Variants in TFAP2B observed in about 807,000 individuals in gnomAD.
TFAP2B encodes transcription factor AP-2 beta, also known as transcription factor AP-2-beta.
TFAP2B carries 9 observed loss-of-function variants against 44.3 expected under a neutral mutation model. The observed-to-expected ratio is 0.20, with a 90% CI of 0.12 to 0.35. The LOEUF is 0.35. Ranked by LOEUF, TFAP2B falls within the 10% of genes least tolerant of loss-of-function variation. The probability of loss-of-function intolerance (pLI) is 1.00; values close to 1 mark genes in which losing one functional copy is unlikely to be tolerated. For synonymous variants in TFAP2B, 270 were observed against 263.8 expected, an observed-to-expected ratio of 1.02 and a Z score of -0.23; for missense variants, 509 against 600.0, an observed-to-expected ratio of 0.85 and a Z score of 1.59.
upstream of TFAP2B, chr6:50,818,816 T>G: frequency 7.3e-7 from 1 of 1,362,986 alleles, no homozygotes; most frequent in Admixed American, 1.7e-5. Flanking sequence ...TTGGTGTGTA[T>G]CCCCCATTTC....
intron 6 of TFAP2B, among the ~76,000 whole-genome samples, chr6:50,840,959 C>G (rs545727007): frequency 3.3e-5 from 5 of 152,360 alleles, no homozygotes; most frequent in African/African-American, 1.2e-4. Context: ...CCGCACGTTT[C>G]TCTTGCAGGC....
At chr6:50,836,933 C>G (rs1226789680) in intron 4 of TFAP2B, among the ~76,000 whole-genome samples, 1 of 152,170 alleles carries the variant, frequency 6.6e-6, no homozygotes, top group East Asian at 1.9e-4. Context: ...TCACAGTATT[C>G]CACAGCCCAG....
chr6:50,826,614 G>A (rs1398328472), intron 2 of TFAP2B, among the ~76,000 whole-genome samples: 1 of 151,680 alleles, frequency 6.6e-6, no homozygotes, highest in East Asian at 2.0e-4. Flanking sequence ...GTTGGGGAGG[G>A]GGCTACAAGT....
rs767312808 is a variant in TFAP2B, at chr6:50,823,481, G to T, written c.156G>T (p.Ser52=). Reference sequence around the variant, plus strand: ...GCTCGGTGTCCCAAGGACCCTACTCGAGCGCCCCGCCGCTGTCCCACACCC... The same window carrying T: ...GCTCGGTGTCCCAAGGACCCTACTCTAGCGCCCCGCCGCTGTCCCACACCC... ...QLGSVSQGPY[S]SAPPLSHTPS... Residue 52 remains serine (S), a synonymous_variant, in exon 2 of 7, where the codon TCG becomes TCT. Transcript: ENST00000393655. 16 of 1,611,936 alleles carry T rather than the reference G, an allele frequency of 9.9e-6. No homozygotes were observed. Among genetic ancestry groups the T allele is most frequent in the Non-Finnish European group, 1.4e-5 (16 of 1,179,318 alleles).
intron 3 of TFAP2B, among the ~76,000 whole-genome samples, chr6:50,830,948 T>A (rs1299247110): frequency 6.6e-6 from 1 of 152,196 alleles, no homozygotes; most frequent in African/African-American, 2.4e-5. Flanking sequence ...TAATGGGCTT[T>A]TAGGCAGATA....
chr6:50,819,023 G>T (rs1222544881), intron 1 of TFAP2B, 51 bp downstream of exon 1: 29 of 1,516,342 alleles, frequency 1.9e-5, no homozygotes, highest in Non-Finnish European at 2.6e-5. Flanking sequence ...TAGAGAATTT[G>T]AGCTTCTTGA....
At chr6:50,829,450 T>C (rs574241206) in intron 3 of TFAP2B, among the ~76,000 whole-genome samples, 7 of 152,256 alleles carry the variant, frequency 4.6e-5, no homozygotes, top group Non-Finnish European at 7.3e-5. Context: ...ACTGAGAGAA[T>C]GCCTGGCGAT....
intron 1 of TFAP2B, among the ~76,000 whole-genome samples, chr6:50,819,322 A>G (rs974606599): frequency 2.0e-5 from 3 of 151,738 alleles, no homozygotes; most frequent in Non-Finnish European, 4.4e-5. Flanking sequence ...ATTCTGATAA[A>G]GTCAGGGGCT....
intron 6 of TFAP2B, among the ~76,000 whole-genome samples, chr6:50,841,380 G>A (rs896445816): frequency 2.2e-4 from 33 of 152,082 alleles, no homozygotes; most frequent in African/African-American, 7.7e-4. Flanking sequence ...ATAGGTATTT[G>A]TCAGTAGATT....
rs374242844 is a variant in TFAP2B at position 50,823,725 on chromosome 6, G to A, written c.400G>A (p.Gly134Ser). Residue 134 changes from glycine to serine, a missense_variant, in exon 2 of 7, where the codon GGC (glycine) becomes AGC (serine). Physicochemically the swap from Gly to Ser is moderately conservative, Grantham distance 56. Transcript: ENST00000393655. ...TCGGGCCGCCTTGCCCCAGCTCTCG[G>A]GCCTTGACCCCCGGAGGGACTACCA... The part of the protein sequence containing the change: ...QPRAALPQLS[G>S]LDPRRDYHSV... 1 of 1,612,382 alleles carries A rather than the reference G, an allele frequency of 6.2e-7. No homozygotes were observed. Among genetic ancestry groups the A allele is most frequent in the Non-Finnish European group, 8.5e-7 (1 of 1,179,322 alleles).
At chr6:50,819,781 G>C (rs1466765983) in intron 1 of TFAP2B, among the ~76,000 whole-genome samples, 1 of 152,196 alleles carries the variant, frequency 6.6e-6, no homozygotes, top group Non-Finnish European at 1.5e-5. Context: ...GAGGGCTGAC[G>C]CGGCCAGACG....
At chr6:50,821,961 C>G in intron 1 of TFAP2B, 1 of 316,532 alleles carries the variant, frequency 3.2e-6, no homozygotes, top group Non-Finnish European at 5.6e-6. Context: ...ACAGGCATCG[C>G]CAATCTTGTT....
chr6:50,846,273 C>T lies in TFAP2B; in HGVS notation c.*2881C>T, dbSNP rs1432421286. 1.3e-5 allele frequency: 2 copies of T among 152,592 alleles called. No homozygotes were observed. Among genetic ancestry groups the T allele is most frequent in the African/African-American group, 2.4e-5 (1 of 41,414 alleles). The allele number at this position is 152,592 out of a possible 1,614,324, so 9.5% of individuals were successfully genotyped here. On this transcript the variant is annotated 3_prime_UTR_variant, in exon 7 of 7. Transcript: ENST00000393655. The stretch of plus-strand genomic sequence containing the variant: ...CTTCTCCTTTCATGTAGGACCCCCG[C>T]CCCCTTGCTTTCCTTAGCCAGGCCC...
At chr6:50,819,317 G>C (rs1425972067) in intron 1 of TFAP2B, among the ~76,000 whole-genome samples, 1 of 140,532 alleles carries the variant, frequency 7.1e-6, no homozygotes, top group African/African-American at 2.6e-5. Context: ...TCGAGATTCT[G>C]ATAAAGTCAG....
chr6:50,842,976 A>T (rs563413172), intron 6 of TFAP2B, 116 bp from the exon 7 acceptor site: 17 of 1,391,658 alleles, frequency 1.2e-5, no homozygotes, highest in East Asian at 2.3e-5. Flanking sequence ...AATCGCCCAC[A>T]TTAGCCTCGC....
intron 6 of TFAP2B, 131 bp downstream of exon 6, chr6:50,840,428 G>A: frequency 1.7e-6 from 2 of 1,172,432 alleles, no homozygotes; most frequent in Non-Finnish European, 2.5e-6. Flanking sequence ...GCAGCCTCTG[G>A]CAAGCAAGGT....
rs1025458698 is a variant in TFAP2B at position 50,823,600 on chromosome 6, C to T, written c.275C>T (p.Pro92Leu). The T allele has an allele frequency of 1.9e-6, 3 of 1,614,154 alleles. No individual in the cohort carries two copies. Among genetic ancestry groups the T allele is most frequent in the Admixed American group, 1.7e-5 (1 of 60,028 alleles). ...SQDPYSHVND[P>L]YSLNPLHQPQ... is the part of the protein sequence containing the mutation. ...GACCCCTACTCCCACGTCAACGACCCCTACTCCCTGAACCCACTGCACCAG... is the reference window on the plus strand; with the variant it reads ...GACCCCTACTCCCACGTCAACGACCTCTACTCCCTGAACCCACTGCACCAG... The change falls in exon 2 of 7, where the codon CCC becomes CTC. Residue 92 changes from proline (P) to leucine (L), a missense_variant. By Grantham distance (98) the Pro-to-Leu change is moderately conservative (BLOSUM62 -3). This residue lies in a region of TFAP2B where 296 missense variants were observed against 308.2 expected (regional missense o/e 0.96). Transcript: ENST00000393655.
intron 3 of TFAP2B, among the ~76,000 whole-genome samples, chr6:50,835,832 T>C (rs1360668794): frequency 6.6e-6 from 1 of 152,202 alleles, no homozygotes; most frequent in Non-Finnish European, 1.5e-5. Context: ...CTGTAGCAAA[T>C]GACACTCATA....
At chr6:50,827,819 G>GCTAC (rs1770569121) in intron 2 of TFAP2B, among the ~76,000 whole-genome samples, 2 of 152,222 alleles carry the variant, frequency 1.3e-5, no homozygotes, top group African/African-American at 4.8e-5. Flanking sequence ...TCTCAGAAGT[G>GCTAC]CTACCAGTGC....
Sources: allele counts gnomAD v4.1 joint callset (sites outside exome capture counted in the v4.1 genomes callset), GRCh38; gene constraint gnomAD v4.1.1; regional missense constraint gnomAD v4.1.1; transcripts MANE v1.5; gene names NCBI Gene and HGNC (gene_info 2026-07-23, HGNC 2026-07-21).